GNAO1: variants seen among roughly 807,000 people sequenced by gnomAD.
GNAO1 encodes the protein G protein subunit alpha o1, also known as guanine nucleotide-binding protein G(o) subunit alpha.
For missense variants in GNAO1, 166 were observed against 478.7 expected (o/e 0.35, Z 6.10); for synonymous variants, 164 against 180.7 (o/e 0.91, Z 0.74).
At chr16:56,264,485 C>T (rs1485479055) in intron 2 of GNAO1, among the ~76,000 whole-genome samples, 6 of 152,226 alleles carry the variant, frequency 3.9e-5, no homozygotes, top group African/African-American at 1.4e-4. Context: ...GGCCTTGCCC[C>T]TGGCTCTGTC....
chr16:56,242,964 C>T (rs762572691), intron 2 of GNAO1, among the ~76,000 whole-genome samples: 1 of 152,112 alleles, frequency 6.6e-6, no homozygotes, highest in Non-Finnish European at 1.5e-5. Context: ...ATTACTGCCT[C>T]AGCTCTGCCT....
intron 6 of GNAO1, among the ~76,000 whole-genome samples, chr16:56,343,384 TGAG>T (rs2037825166): frequency 1.4e-5 from 2 of 147,740 alleles, no homozygotes; most frequent in South Asian, 2.1e-4. Flanking sequence ...CTCAGGAGGC[TGAG>T]AAGAGAGTAT....
rs2037290815 is a variant in GNAO1 at position 56,296,663 on chromosome 16, C to T, written c.303+20591C>T. Among the ~76,000 whole-genome samples, 3 of 152,170 alleles carry T rather than the reference C, an allele frequency of 2.0e-5. No homozygotes were observed. In the South Asian group the frequency reaches 6.2e-4, roughly 31 times the overall value. On this transcript the variant is annotated intron_variant, in intron 3 of 8. Transcript: ENST00000262493. ...AGAACCTGCAGGACTGGCCTTCAAACAGTGACAGCCTGCTGGGCTCCAGCT... is the reference window on the plus strand; with the variant it reads ...AGAACCTGCAGGACTGGCCTTCAAATAGTGACAGCCTGCTGGGCTCCAGCT...
intron 2 of GNAO1, among the ~76,000 whole-genome samples, chr16:56,200,516 G>A (rs1229955028): frequency 6.6e-6 from 1 of 152,198 alleles, no homozygotes; most frequent in African/African-American, 2.4e-5. Context: ...ATGAGGAAGT[G>A]AGGTTCAAAG....
intron 4 of GNAO1, among the ~76,000 whole-genome samples, chr16:56,331,464 G>A (rs2037687765): frequency 6.6e-6 from 1 of 152,162 alleles, no homozygotes; most frequent in Non-Finnish European, 1.5e-5. Flanking sequence ...TCCTCCGCCT[G>A]CTGAGATGGC....
Position 56,318,694 on chromosome 16 carries a change from GTTA to G in GNAO1, c.304-9929_304-9927del, listed in dbSNP as rs1468160276. Among the ~76,000 whole-genome samples the G allele has an allele frequency of 1.3e-5, 2 of 152,198 alleles. 1 individual carries two copies. Among genetic ancestry groups the G allele is most frequent in the Admixed American group, 1.3e-4 (2 of 15,270 alleles). On this transcript the variant is annotated intron_variant, in intron 3 of 8. Transcript: ENST00000262493. ...CAAAGCAGCTCCTCAAATGGAAGGGGTTATTATTATAATTACTATGATTATTGT... is the reference window on the plus strand; with the variant it reads ...CAAAGCAGCTCCTCAAATGGAAGGGGTTATTATAATTACTATGATTATTGT...
At chr16:56,343,034 G>C (rs1284553906) in intron 6 of GNAO1, among the ~76,000 whole-genome samples, 1 of 151,716 alleles carries the variant, frequency 6.6e-6, no homozygotes, top group Admixed American at 6.6e-5. Context: ...GGAGTCGGAG[G>C]TTGCGGTGAG....
At chr16:56,337,605 C>G (rs2037755291) in intron 6 of GNAO1, among the ~76,000 whole-genome samples, 4 of 152,232 alleles carry the variant, frequency 2.6e-5, no homozygotes, top group Admixed American at 6.5e-5. Context: ...TAGGCAGCAC[C>G]CTTTCTGGCT....
intron 2 of GNAO1, among the ~76,000 whole-genome samples, chr16:56,262,616 A>C (rs1477636829): frequency 6.6e-6 from 1 of 152,148 alleles, no homozygotes; most frequent in Non-Finnish European, 1.5e-5. Flanking sequence ...TTCTCCACAA[A>C]ATATAATTAA....
At chr16:56,333,643 G>T (rs552808941) in intron 4 of GNAO1, among the ~76,000 whole-genome samples, 1 of 152,230 alleles carries the variant, frequency 6.6e-6, no homozygotes, top group Non-Finnish European at 1.5e-5. Context: ...ACCCTAGCTG[G>T]CGAAGTCATC....
At chr16:56,273,738 C>T (rs1567464681) in intron 2 of GNAO1, among the ~76,000 whole-genome samples, 2 of 152,114 alleles carry the variant, frequency 1.3e-5, no homozygotes, top group Non-Finnish European at 2.9e-5. Flanking sequence ...TCTAAAGCAG[C>T]CTTTACTCTG....
Position 56,325,026 on chromosome 16 carries a change from G to T in GNAO1, c.304-3605G>T, listed in dbSNP as rs1445786046. On this transcript the variant is annotated intron_variant, in intron 3 of 8. Transcript: ENST00000262493. ...TCCAGATGCTGACCTCATTTTCTTTGTGTCTCTCCCATCCCCAAGGATGCC... is the reference window on the plus strand; with the variant it reads ...TCCAGATGCTGACCTCATTTTCTTTTTGTCTCTCCCATCCCCAAGGATGCC... Among the ~76,000 whole-genome samples, 3 of 152,192 alleles carry T rather than the reference G, an allele frequency of 2.0e-5. No individual in the cohort carries two copies. The East Asian group carries it at 5.8e-4, about 29-fold the overall frequency.
chr16:56,325,226 C>T (rs1255684407), intron 3 of GNAO1, among the ~76,000 whole-genome samples: 3 of 152,212 alleles, frequency 2.0e-5, no homozygotes, highest in Admixed American at 2.0e-4. Context: ...CCTGTAATCC[C>T]AACACTTTGG....
chr16:56,338,996 G>A (rs540905437), intron 6 of GNAO1, among the ~76,000 whole-genome samples: 177 of 152,358 alleles, frequency 1.2e-3, no homozygotes, highest in Middle Eastern at 6.8e-3. Context: ...GTCACAGGCA[G>A]GCTCTTCCTG....
intron 3 of GNAO1, among the ~76,000 whole-genome samples, chr16:56,300,233 T>G (rs1264642653): frequency 6.6e-6 from 1 of 152,170 alleles, no homozygotes; most frequent in Admixed American, 6.5e-5. Flanking sequence ...CTGTGTAAGC[T>G]GCTAGCTGAG....
rs1040033559 is a variant in GNAO1 at position 56,311,037 on chromosome 16, C to G, written c.304-17594C>G. Reference sequence around the variant, plus strand: ...GCAGGTTGTGGCCTACAGAAAAGTTCCCGACTAGCAGACCATGAGAGGGCT... The same window carrying G: ...GCAGGTTGTGGCCTACAGAAAAGTTGCCGACTAGCAGACCATGAGAGGGCT... On this transcript the variant is annotated intron_variant, in intron 3 of 8. Coordinates refer to ENST00000262493, the MANE Select transcript of GNAO1 (RefSeq NM_020988.3). This position sits in a 1 kb window ranked among gnomAD's most constrained non-coding sequence, Gnocchi z 5.2. 3.9e-5 allele frequency among the ~76,000 whole-genome samples: 6 copies of G among 152,166 alleles called. No individual in the cohort carries two copies. Among genetic ancestry groups the G allele is most frequent in the Non-Finnish European group, 8.8e-5 (6 of 68,042 alleles).
intron 2 of GNAO1, among the ~76,000 whole-genome samples, chr16:56,262,830 G>A (rs564091361): frequency 1.3e-5 from 2 of 152,296 alleles, no homozygotes; most frequent in East Asian, 1.9e-4. Context: ...CACTCGTGCC[G>A]CTTTTACTGT....
chr16:56,288,107 C>T (rs900228877), intron 3 of GNAO1, among the ~76,000 whole-genome samples: 4 of 152,058 alleles, frequency 2.6e-5, no homozygotes, highest in African/African-American at 9.7e-5. Flanking sequence ...CTTTCTCCCC[C>T]TGGATGCCCT....
intron 4 of GNAO1, among the ~76,000 whole-genome samples, chr16:56,329,659 G>A (rs1285207204): frequency 6.6e-6 from 1 of 152,224 alleles, no homozygotes. Context: ...CCCCACCTTT[G>A]CAATTGCAAT....
Sources: gnomAD v4.1 joint callset for allele counts (sites outside exome capture counted in the v4.1 genomes callset) on GRCh38, gnomAD v4.1.1 for gene constraint, Gnocchi (gnomAD v3.1) non-coding constraint, MANE v1.5 for transcripts, NCBI Gene and HGNC (gene_info 2026-07-23, HGNC 2026-07-21) for gene names.